Variants in MAPK8IP3 observed in about 807,000 individuals in gnomAD.
The protein encoded by MAPK8IP3 is C-Jun-amino-terminal kinase-interacting protein 3.
Under a neutral mutation model 157.8 loss-of-function variants are expected in MAPK8IP3, and 49 were observed. The observed-to-expected ratio is 0.31, with a 90% CI of 0.25 to 0.39. MAPK8IP3 has a LOEUF of 0.39. MAPK8IP3 is among the 10% of genes least tolerant of loss of function. The pLI, the probability that MAPK8IP3 is intolerant of heterozygous loss-of-function variation, is 1.00. For synonymous variants in MAPK8IP3, 897 were observed against 777.7 expected, an observed-to-expected ratio of 1.15 and a Z score of -2.55; for missense variants, 1,478 against 1,889.4, an observed-to-expected ratio of 0.78 and a Z score of 4.04.
chr16:1,754,770 AAAAG>A (rs1291189818), intron 8 of MAPK8IP3, among the ~76,000 whole-genome samples: 3,395 of 151,996 alleles, frequency 0.022, 129 homozygotes, highest in African/African-American at 0.076. Context: ...AAAAAAAAAA[AAAAG>A]AAGAAGAAAA....
In MAPK8IP3 at chr16:1,729,599, TGGAGGTACGCGGGGCGCGGCGGGGC is replaced by T. The variant is rs765591339; in HGVS notation, c.602+32_602+56del. ...CGGAGGTACGCGGGGCGCGGCGGGGTGGAGGTACGCGGGGCGCGGCGGGGCGGAGGTACGCAGGACGCGGCACATG... is the reference window on the plus strand; with the variant it reads ...CGGAGGTACGCGGGGCGCGGCGGGGTGGAGGTACGCAGGACGCGGCACATG... On this transcript the variant is annotated intron_variant, in intron 4 of 31. Coordinates refer to ENST00000610761, the MANE Select transcript of MAPK8IP3 (RefSeq NM_001318852.2). 194 of 1,563,070 alleles carry T rather than the reference TGGAGGTACGCGGGGCGCGGCGGGGC, an allele frequency of 1.2e-4. No homozygotes were observed. The Middle Eastern group carries it at 1.4e-3, about 11-fold the overall frequency.
At position 1,706,390 on chromosome 16, in the gene MAPK8IP3, C is replaced by G. The variant is rs752192866; in HGVS notation, c.51C>G (p.Asp17Glu). 8 of 1,612,444 alleles carry G rather than the reference C, an allele frequency of 5.0e-6. No individual in the cohort carries two copies. The highest frequency in any genetic ancestry group is 2.2e-5 in the East Asian group (1 of 44,802). Residue 17 changes from aspartate to glutamate, a missense_variant, in exon 1 of 32, where the codon GAC (aspartate) becomes GAG (glutamate). Transcript: ENST00000610761. The surrounding 1 kb of genome is among the most constrained non-coding windows in gnomAD (Gnocchi z 5.1). ...GCGGCGGCGTGGTGGTGTACCAGGACGACTACTGCTCCGGCTCGGTGATGT... is the reference window on the plus strand; with the variant it reads ...GCGGCGGCGTGGTGGTGTACCAGGAGGACTACTGCTCCGGCTCGGTGATGT... ...DEGGGVVVYQ[D>E]DYCSGSVMSE... is the part of the protein sequence containing the mutation.
intron 8 of MAPK8IP3, 62 bp downstream of exon 8, chr16:1,748,782 G>A: frequency 6.9e-7 from 1 of 1,443,102 alleles, no homozygotes. Flanking sequence ...TCTGCTGTTG[G>A]TTTTGTTTGT....
At chr16:1,763,975 C>G (rs1298215747) in intron 17 of MAPK8IP3, 140 bp from the exon 18 acceptor site, 2 of 1,067,214 alleles carry the variant, frequency 1.9e-6, no homozygotes, top group Non-Finnish European at 2.6e-6. Flanking sequence ...GAAGGAGCCC[C>G]GCGGCTCCCA....
chr16:1,748,770 T>A, intron 8 of MAPK8IP3, 50 bp downstream of exon 8: 1 of 1,477,838 alleles, frequency 6.8e-7, no homozygotes, highest in Non-Finnish European at 9.5e-7. Flanking sequence ...ATGCTGGGGC[T>A]TTCTGCTGTT....
At chr16:1,749,116 A>G (rs534864085) in intron 8 of MAPK8IP3, among the ~76,000 whole-genome samples, 21 of 152,240 alleles carry the variant, frequency 1.4e-4, no homozygotes, top group African/African-American at 4.1e-4. Flanking sequence ...AGGCCTGTAC[A>G]TTTTCTGTGA....
At chr16:1,767,348 C>T (rs1242828299) in intron 26 of MAPK8IP3, 51 bp downstream of exon 26, 3 of 1,606,700 alleles carry the variant, frequency 1.9e-6, no homozygotes, top group African/African-American at 1.3e-5. Context: ...TGCTGGCCAG[C>T]AGCTCTCCCG....
intron 8 of MAPK8IP3, among the ~76,000 whole-genome samples, chr16:1,756,749 G>GAGGTCA (rs1277148767): frequency 2.0e-5 from 3 of 152,076 alleles, no homozygotes; most frequent in Non-Finnish European, 2.9e-5. Flanking sequence ...TTGAGCCTGG[G>GAGGTCA]AGGTCAACGT....
At position 1,710,346 on chromosome 16, in the gene MAPK8IP3, C is replaced by A. The variant is rs559665087; in HGVS notation, c.318+3689C>A. On this transcript the variant is annotated intron_variant, in intron 1 of 31. Coordinates refer to ENST00000610761, the MANE Select transcript of MAPK8IP3 (RefSeq NM_001318852.2). This position sits in a 1 kb window ranked among gnomAD's most constrained non-coding sequence, Gnocchi z 4.1. ...AAAATTAGCCAGGTGTGGCGGCAGG[C>A]CCCTGTAGTCCCAGCACTCGGGAGG... Among the ~76,000 whole-genome samples the A allele has an allele frequency of 4.0e-5, 6 of 151,812 alleles. No homozygotes were observed. The South Asian group carries it at 1.3e-3, about 32-fold the overall frequency.
rs201418752 is a variant in MAPK8IP3, at chr16:1,766,337, G to A, written c.2747G>A (p.Arg916Gln). 114 of 1,612,576 alleles carry A rather than the reference G, an allele frequency of 7.1e-5. No individual in the cohort carries two copies. The highest frequency in any genetic ancestry group is 4.2e-5 in the Non-Finnish European group (49 of 1,179,996). ...GPSEPETATL[R>Q]PGPLTEHVFT... is the part of the protein sequence containing the mutation. The stretch of plus-strand genomic sequence containing the variant: ...AGCGAGCCAGAGACAGCCACATTGC[G>A]GCCCGGGCCTCTCACAGAGCACGTC... The change falls in exon 22 of 32, where the codon CGG (arginine) becomes CAG (glutamine). Residue 916 changes from arginine (R) to glutamine (Q), a missense_variant. This residue lies in a region of MAPK8IP3 where 669 missense variants were observed against 759.8 expected (regional missense o/e 0.88). Transcript: ENST00000610761.
chr16:1,737,875 C>T lies in MAPK8IP3; in HGVS notation c.603-5457C>T, dbSNP rs553024129. On this transcript the variant is annotated intron_variant, in intron 4 of 31. Coordinates refer to ENST00000610761, the MANE Select transcript of MAPK8IP3 (RefSeq NM_001318852.2). Reference sequence around the variant, plus strand: ...CCATCCATGTGAGCATCTGTGTGACCGTCCGTGTGAGCATCCGTGTGAGCG... The same window carrying T: ...CCATCCATGTGAGCATCTGTGTGACTGTCCGTGTGAGCATCCGTGTGAGCG... Among the ~76,000 whole-genome samples, 51 of 64,204 alleles carry T rather than the reference C, an allele frequency of 7.9e-4. 1 individual carries two copies. The South Asian group carries it at 0.011, about 14-fold the overall frequency. The allele number at this position is 64,204 out of a possible 152,430, so 42.1% of individuals were successfully genotyped here.
intron 4 of MAPK8IP3, among the ~76,000 whole-genome samples, chr16:1,740,852 A>G (rs1456286695): frequency 6.6e-6 from 1 of 152,206 alleles, no homozygotes; most frequent in Non-Finnish European, 1.5e-5. Flanking sequence ...AGAGGTCGGA[A>G]GGGCCATCTG....
In MAPK8IP3 at chr16:1,766,763, C is replaced by T. The variant is rs925097246; in HGVS notation, c.2980C>T (p.Leu994=). ...HSAVANWKKC[L]HSIKLKDSVL... is the part of the protein sequence containing the mutation. ...GGCTGTGGCCAACTGGAAGAAGTGC[C>T]TGCACTCCATCAAGCTGAAGGATTC... The change falls in exon 24 of 32, where the codon CTG becomes TTG. Residue 994 remains leucine, a synonymous_variant. Coordinates refer to ENST00000610761, the MANE Select transcript of MAPK8IP3 (RefSeq NM_001318852.2). 4 of 1,612,760 alleles carry T rather than the reference C, an allele frequency of 2.5e-6. No homozygotes were observed. Among genetic ancestry groups the T allele is most frequent in the African/African-American group, 2.7e-5 (2 of 74,934 alleles).
intron 1 of MAPK8IP3, among the ~76,000 whole-genome samples, chr16:1,712,048 G>GTTT (rs2037815585): frequency 5.2e-5 from 6 of 115,834 alleles, no homozygotes; most frequent in East Asian, 2.6e-4. Context: ...GGCCTCAGGA[G>GTTT]TTCTTTTTTT....
intron 8 of MAPK8IP3, among the ~76,000 whole-genome samples, chr16:1,754,866 G>A (rs2141892707): frequency 6.6e-6 from 1 of 152,292 alleles, no homozygotes; most frequent in East Asian, 1.9e-4. Context: ...AGCTGTACAC[G>A]CAGAGGGTGT....
In MAPK8IP3 at chr16:1,768,656, T is replaced by G. The variant is rs770261898; in HGVS notation, c.3892+30T>G. Reference sequence around the variant, plus strand: ...GCGGGGCCCAGGGACAGGGCTGAGGTTGGGCGCGGGGGGAGCCTGGCCGTC... The same window carrying G: ...GCGGGGCCCAGGGACAGGGCTGAGGGTGGGCGCGGGGGGAGCCTGGCCGTC... On this transcript the variant is annotated intron_variant, in intron 31 of 31. Transcript: ENST00000610761. The G allele has an allele frequency of 1.9e-6, 3 of 1,610,542 alleles. No homozygotes were observed. The South Asian group carries it at 3.3e-5, about 18-fold the overall frequency.
At chr16:1,726,956 G>C (rs547639442) in intron 2 of MAPK8IP3, among the ~76,000 whole-genome samples, 2 of 152,168 alleles carry the variant, frequency 1.3e-5, no homozygotes, top group African/African-American at 4.8e-5. Flanking sequence ...TCTATAACTC[G>C]TGTGCTGTGT....
chr16:1,748,552 C>T (rs367784595), intron 7 of MAPK8IP3, 50 bp from the exon 8 acceptor site: 76 of 1,464,804 alleles, frequency 5.2e-5, no homozygotes, highest in Non-Finnish European at 6.8e-5. Flanking sequence ...GCAGCCACTC[C>T]GGGCTGCCCA....
chr16:1,744,020 C>T, intron 5 of MAPK8IP3: 1 of 992,624 alleles, frequency 1.0e-6, no homozygotes, highest in Non-Finnish European at 1.2e-6. Context: ...GAAAGCAGAG[C>T]CTCGCCCCAG....
Sources: allele counts gnomAD v4.1 joint callset (sites outside exome capture counted in the v4.1 genomes callset), GRCh38; gene constraint gnomAD v4.1.1; regional missense constraint gnomAD v4.1.1; non-coding constraint Gnocchi (gnomAD v3.1); transcripts MANE v1.5; gene names NCBI Gene and HGNC (gene_info 2026-07-23, HGNC 2026-07-21).